Variants in ZBTB11 observed in about 807,000 individuals in gnomAD.
ZBTB11 encodes zinc finger and BTB domain containing 11.
ZBTB11 carries 68 observed loss-of-function variants against 113.1 expected under a neutral mutation model. That is an observed-to-expected ratio of 0.60 (90% CI 0.49 to 0.74). ZBTB11 has a LOEUF of 0.74. Among genes scored for constraint, ZBTB11 ranks in the 30% least tolerant of loss-of-function variants. The pLI, the probability that ZBTB11 is intolerant of heterozygous loss-of-function variation, is 0.00. For synonymous variants in ZBTB11, 518 were observed against 452.6 expected (o/e 1.14, Z -1.83); for missense variants, 1,104 against 1,279.4 (o/e 0.86, Z 2.09).
At chr3:101,661,155 G>A (rs1262085232) in intron 5 of ZBTB11, among the ~76,000 whole-genome samples, 1 of 151,016 alleles carries the variant, frequency 6.6e-6, no homozygotes, top group Non-Finnish European at 1.5e-5. Flanking sequence ...GATCGTTTGA[G>A]CCTGGGACGT....
Position 101,663,265 on chromosome 3 carries a change from T to A in ZBTB11, c.1800+1273A>T, listed in dbSNP as rs552633315. ...TTTTTGTATTTTTGTAGAGACAGGG[T>A]TTCACCATGTTGCCCAGGCTGGTCT... On this transcript the variant is annotated intron_variant, in intron 5 of 10. Coordinates refer to ENST00000312938, the MANE Select transcript of ZBTB11 (RefSeq NM_014415.4). Among the ~76,000 whole-genome samples, 19 of 151,828 alleles carry A rather than the reference T, an allele frequency of 1.3e-4. No individual in the cohort carries two copies. In the South Asian group the frequency reaches 3.8e-3, roughly 30 times the overall value.
chr3:101,652,529 T>A lies in ZBTB11; in HGVS notation c.2611A>T (p.Arg871Ter), dbSNP rs771171772. ...EKCGRKFTQL[R>*]EYRRHMNNHE... is the part of the protein sequence containing the mutation. ...TTGTTCATGTGTCTCCTATACTCTCTTAGCTGAGTGAATTTTCTTCCACAT... is the reference window on the plus strand; with the variant it reads ...TTGTTCATGTGTCTCCTATACTCTCATAGCTGAGTGAATTTTCTTCCACAT... Residue 871 changes from arginine to a stop codon, truncating the protein, a stop_gained, in exon 10 of 11, where the codon AGA becomes TGA. Coordinates refer to ENST00000312938, the MANE Select transcript of ZBTB11 (RefSeq NM_014415.4). LOFTEE classifies it high-confidence loss of function. 2 of 1,614,200 alleles carry A rather than the reference T, an allele frequency of 1.2e-6. No individual in the cohort carries two copies. Among genetic ancestry groups the A allele is most frequent in the Non-Finnish European group, 1.7e-6 (2 of 1,180,018 alleles).
intron 6 of ZBTB11, among the ~76,000 whole-genome samples, chr3:101,657,279 T>C (rs1369091140): frequency 6.7e-6 from 1 of 149,886 alleles, no homozygotes; most frequent in African/African-American, 2.5e-5. Context: ...GCTGAGGTGG[T>C]TGGATTGTCT....
rs181018187 is a variant in ZBTB11, at chr3:101,655,052, T to C, written c.2192-231A>G. On this transcript the variant is annotated intron_variant, in intron 7 of 10. Transcript: ENST00000312938. The stretch of plus-strand genomic sequence containing the variant: ...GCCACCACACCCAGCTAATTTTTTG[T>C]ATTTTTAGTAGAGACGGGTTTCACC... Among the ~76,000 whole-genome samples, 1,000 of 152,262 alleles carry C rather than the reference T, an allele frequency of 6.6e-3. 19 individuals are homozygous for C. Among genetic ancestry groups the C allele is most frequent in the African/African-American group, 0.023 (956 of 41,538 alleles).
At chr3:101,673,194 G>A (rs376668973) in intron 1 of ZBTB11, among the ~76,000 whole-genome samples, 2 of 152,132 alleles carry the variant, frequency 1.3e-5, no homozygotes, top group East Asian at 3.8e-4. Context: ...TTATGTATAT[G>A]TACACACATC....
At chr3:101,662,640 C>A (rs1936911675) in intron 5 of ZBTB11, among the ~76,000 whole-genome samples, 1 of 152,162 alleles carries the variant, frequency 6.6e-6, no homozygotes, top group African/African-American at 2.4e-5. Flanking sequence ...AACAAAAAAA[C>A]CCCACAGTAC....
Position 101,651,493 on chromosome 3 carries a change from A to T in ZBTB11, c.2835T>A (p.Ile945=), listed in dbSNP as rs1421197028. Residue 945 remains isoleucine, a synonymous_variant, in exon 11 of 11, where the codon ATT becomes ATA. Transcript: ENST00000312938. ...KFHRDYVPCK[I]MLEKDTLQFH... is the part of the protein sequence containing the mutation. ...ACTGAAGGGTGTCTTTTTCCAGCATAATTTTGCAAGGCACATAGTCTCTGT... is the reference window on the plus strand; with the variant it reads ...ACTGAAGGGTGTCTTTTTCCAGCATTATTTTGCAAGGCACATAGTCTCTGT... The T allele has an allele frequency of 6.2e-7, 1 of 1,614,116 alleles. No individual in the cohort carries two copies. Among genetic ancestry groups the T allele is most frequent in the East Asian group, 2.2e-5 (1 of 44,866 alleles).
At chr3:101,651,717 G>T in intron 10 of ZBTB11, 34 bp from the exon 11 acceptor site, 2 of 1,497,456 alleles carry the variant, frequency 1.3e-6, no homozygotes, top group South Asian at 1.4e-5. Flanking sequence ...TGTGTAGTGA[G>T]GTGCAAGCAC....
In ZBTB11 at chr3:101,652,502, G is replaced by A. The variant is rs1231103958; in HGVS notation, c.2638C>T (p.His880Tyr). 1 of 1,613,696 alleles carries A rather than the reference G, an allele frequency of 6.2e-7. No homozygotes were observed. Among genetic ancestry groups the A allele is most frequent in the East Asian group, 2.2e-5 (1 of 44,872 alleles). ...LREYRRHMNNHEGVKPFECLT... is the reference protein window; with the variant it reads ...LREYRRHMNNYEGVKPFECLT... ...TAATATAAAGTATAGTTACCTTCAT[G>A]GTTGTTCATGTGTCTCCTATACTCT... The change falls in exon 10 of 11, where the codon CAT becomes TAT. Residue 880 changes from histidine (H) to tyrosine (Y), a missense_variant. Transcript: ENST00000312938.
intron 5 of ZBTB11, among the ~76,000 whole-genome samples, chr3:101,660,916 C>T (rs1936876284): frequency 6.6e-6 from 1 of 152,084 alleles, no homozygotes; most frequent in Non-Finnish European, 1.5e-5. Context: ...AACCCATCCC[C>T]TTTTTGGAAA....
chr3:101,672,660 T>C (rs557885901), intron 1 of ZBTB11, among the ~76,000 whole-genome samples: 1 of 152,314 alleles, frequency 6.6e-6, no homozygotes, highest in African/African-American at 2.4e-5. Flanking sequence ...GAGGTTGCAG[T>C]GAGCTGAGAT....
chr3:101,676,483 C>CA, intron 1 of ZBTB11, 122 bp downstream of exon 1: 1 of 1,039,242 alleles, frequency 9.6e-7, no homozygotes. Flanking sequence ...CGCCTGGCAG[C>CA]AGCTCCGCCG....
Position 101,652,283 on chromosome 3 carries a change from A to G in ZBTB11, c.2644+213T>C, listed in dbSNP as rs539313350. ...GAGGCTTCAAATAGTTTAGTTCAGC[A>G]TAACAATGTGGATACAGAATTAAGT... On this transcript the variant is annotated intron_variant, in intron 10 of 10. Transcript: ENST00000312938. Among the ~76,000 whole-genome samples, 20 of 152,354 alleles carry G rather than the reference A, an allele frequency of 1.3e-4. 1 individual carries two copies. The East Asian group carries it at 2.7e-3, about 21-fold the overall frequency.
intron 3 of ZBTB11, among the ~76,000 whole-genome samples, chr3:101,668,078 T>A (rs986751263): frequency 6.6e-6 from 1 of 151,622 alleles, no homozygotes; most frequent in African/African-American, 2.4e-5. Context: ...CTGGAGGACA[T>A]CATGCTAAGT....
rs1677560317 is a variant in ZBTB11, at chr3:101,665,251, C to T, written c.1336G>A (p.Val446Ile). 6.2e-7 allele frequency: 1 copy of T among 1,614,192 alleles called. No individual in the cohort carries two copies. Among genetic ancestry groups the T allele is most frequent in the Middle Eastern group, 1.6e-4 (1 of 6,062 alleles). ...NIHPKLSKEN[V>I]ISSSPEDSGM... Reference sequence around the variant, plus strand: ...CTATCCTCTGGCGAGCTACTAATTACATTCTCTTTTGAAAGTTTAGGGTGT... The same window carrying T: ...CTATCCTCTGGCGAGCTACTAATTATATTCTCTTTTGAAAGTTTAGGGTGT... The change falls in exon 4 of 11, where the codon GTA (valine) becomes ATA (isoleucine). Residue 446 changes from valine to isoleucine, a missense_variant. Physicochemically the swap from Val to Ile is conservative, Grantham distance 29. This residue lies in a region of ZBTB11 where 535 missense variants were observed against 518.6 expected (regional missense o/e 1.03). Transcript: ENST00000312938.
Position 101,659,854 on chromosome 3 carries a change from T to C in ZBTB11, c.1975A>G (p.Thr659Ala). The change falls in exon 6 of 11, where the codon ACA (threonine) becomes GCA (alanine). Residue 659 changes from threonine to alanine, a missense_variant. By Grantham distance (58) the Thr-to-Ala change is moderately conservative. This residue lies in a region of ZBTB11 where 535 missense variants were observed against 518.6 expected (regional missense o/e 1.03). Transcript: ENST00000312938. ...REFICSICGRTLPKLYSLRIH... is the reference protein window; with the variant it reads ...REFICSICGRALPKLYSLRIH... ...CGGAGAGAATATAATTTAGGTAATG[T>C]TCTTCCACATATGGAACATATAAAT... The C allele has an allele frequency of 1.9e-6, 3 of 1,614,230 alleles. No homozygotes were observed. Among genetic ancestry groups the C allele is most frequent in the Non-Finnish European group, 2.5e-6 (3 of 1,180,032 alleles).
chr3:101,654,927 GAGTGC>G, intron 7 of ZBTB11, 106 bp from the exon 8 acceptor site: 1 of 795,216 alleles, frequency 1.3e-6, no homozygotes. Context: ...AGGTTGGATG[GAGTGC>G]AGTGGCGTGA....
intron 3 of ZBTB11, 130 bp from the exon 4 acceptor site, chr3:101,665,938 T>C: frequency 1.0e-6 from 1 of 961,338 alleles, no homozygotes; most frequent in South Asian, 1.8e-5. Flanking sequence ...ATCCCTGGAT[T>C]TGCATTTTGT....
At position 101,665,564 on chromosome 3, in the gene ZBTB11, T is replaced by C. The variant is rs1559986221; in HGVS notation, c.1023A>G (p.Ala341=). Residue 341 remains alanine, a synonymous_variant, in exon 4 of 11, where the codon GCA becomes GCG. Coordinates refer to ENST00000312938, the MANE Select transcript of ZBTB11 (RefSeq NM_014415.4). ...QDLRVQNGGT[A]PPVASSEGTT... ...TTCCCTCACTGCTAGCAACAGGAGGTGCTGTACCTCCATTCTGTACTCGTA... is the reference window on the plus strand; with the variant it reads ...TTCCCTCACTGCTAGCAACAGGAGGCGCTGTACCTCCATTCTGTACTCGTA... 6.2e-7 allele frequency: 1 copy of C among 1,614,198 alleles called. No individual in the cohort carries two copies. The highest frequency in any genetic ancestry group is 8.5e-7 in the Non-Finnish European group (1 of 1,180,042).
Sources: gnomAD v4.1 joint callset for allele counts (sites outside exome capture counted in the v4.1 genomes callset) on GRCh38, gnomAD v4.1.1 for gene constraint, gnomAD v4.1.1 regional missense constraint, MANE v1.5 for transcripts, NCBI Gene and HGNC (gene_info 2026-07-23, HGNC 2026-07-21) for gene names.